The following USO1 variants were observed in gnomAD, a reference collection of about 807,000 sequenced individuals.
USO1 encodes the protein USO1 vesicle transport factor, also known as general vesicular transport factor p115.
In USO1, 57 loss-of-function variants were observed where a neutral mutation model predicts 124.5. The observed-to-expected ratio is 0.46, with a 90% CI of 0.37 to 0.57. The LOEUF is 0.57. Among genes scored for constraint, USO1 ranks in the 20% least tolerant of loss-of-function variants. The pLI is 0.00. For synonymous variants in USO1, 369 were observed against 362.8 expected, an observed-to-expected ratio of 1.02 and a Z score of -0.19; for missense variants, 900 against 1,040.6, an observed-to-expected ratio of 0.86 and a Z score of 1.86.
chr4:75,758,155 T>C (rs995188296), intron 4 of USO1, among the ~76,000 whole-genome samples: 4 of 152,338 alleles, frequency 2.6e-5, no homozygotes, highest in South Asian at 2.1e-4. Context: ...ATCTGTCTTA[T>C]TTATTGTCAC....
At chr4:75,748,797 TA>T (rs892755472) in intron 1 of USO1, among the ~76,000 whole-genome samples, 1 of 151,998 alleles carries the variant, frequency 6.6e-6, no homozygotes, top group Non-Finnish European at 1.5e-5. Flanking sequence ...TAAGCTACCT[TA>T]AAAAAATGAG....
intron 3 of USO1, among the ~76,000 whole-genome samples, 160 bp downstream of exon 3, chr4:75,752,764 G>T (rs926664577): frequency 6.6e-6 from 1 of 152,060 alleles, no homozygotes; most frequent in Non-Finnish European, 1.5e-5. Flanking sequence ...GGGCTCAGGC[G>T]ATCTGCCCAC....
At chr4:75,760,944 C>G (rs1335588363) in intron 4 of USO1, among the ~76,000 whole-genome samples, 1 of 152,124 alleles carries the variant, frequency 6.6e-6, no homozygotes, top group Non-Finnish European at 1.5e-5. Context: ...GTCGGGAGTT[C>G]AAGACCAGCC....
At chr4:75,776,925 T>G (rs1722087500) in intron 8 of USO1, among the ~76,000 whole-genome samples, 1 of 152,180 alleles carries the variant, frequency 6.6e-6, no homozygotes, top group Non-Finnish European at 1.5e-5. Flanking sequence ...TGTATATTTA[T>G]GTACTAATCT....
intron 13 of USO1, among the ~76,000 whole-genome samples, chr4:75,796,959 T>G (rs1288524331): frequency 2.0e-5 from 3 of 151,954 alleles, no homozygotes; most frequent in African/African-American, 7.2e-5. Context: ...GACTTATCTT[T>G]TATGGCTTCT....
intron 9 of USO1, among the ~76,000 whole-genome samples, chr4:75,783,337 G>A (rs577538395): frequency 5.9e-5 from 9 of 152,308 alleles, no homozygotes; most frequent in Non-Finnish European, 1.0e-4. Context: ...AAGATGATTA[G>A]TCTGAGTTTT....
At chr4:75,770,999 G>A (rs1721912146) in intron 6 of USO1, 75 bp downstream of exon 6, 7 of 1,597,290 alleles carry the variant, frequency 4.4e-6, no homozygotes, top group East Asian at 2.2e-5. Flanking sequence ...GACTGAAATG[G>A]TGTGTTAGTA....
chr4:75,779,228 C>T (rs1354609889), intron 8 of USO1, among the ~76,000 whole-genome samples: 1 of 152,110 alleles, frequency 6.6e-6, no homozygotes, highest in Non-Finnish European at 1.5e-5. Context: ...CTCGGGCCTC[C>T]CTATTCCCTG....
intron 13 of USO1, among the ~76,000 whole-genome samples, chr4:75,798,990 T>G (rs1722766654): frequency 6.6e-6 from 1 of 152,214 alleles, no homozygotes; most frequent in African/African-American, 2.4e-5. Context: ...TTAACTATAC[T>G]TGGCAGCTGT....
chr4:75,760,739 T>C (rs973119647), intron 4 of USO1: 2 of 388,582 alleles, frequency 5.1e-6, no homozygotes, highest in African/African-American at 4.1e-5. Context: ...ATAAGAATTC[T>C]TTAATTGAAG....
chr4:75,782,776 G>T lies in USO1; in HGVS notation c.773G>T (p.Arg258Leu). Residue 258 changes from arginine (R) to leucine (L), a missense_variant, in exon 9 of 24, where the codon CGT (arginine) becomes CTT (leucine). Arg to Leu is a moderately radical substitution (Grantham distance 102). Coordinates refer to ENST00000514213, the MANE Select transcript of USO1 (RefSeq NM_003715.4). ...TTTAAAGAAGGCTCATATATTCAAC[G>T]TATGAAACCTTGGTTTGAAGTTGGA... is the stretch of plus-strand genomic sequence containing the variant. The part of the protein sequence containing the change: ...NFFKEGSYIQ[R>L]MKPWFEVGDE... 2 of 1,599,466 alleles carry T rather than the reference G, an allele frequency of 1.3e-6. No homozygotes were observed. The highest frequency in any genetic ancestry group is 1.7e-6 in the Non-Finnish European group (2 of 1,175,176).
intron 4 of USO1, among the ~76,000 whole-genome samples, chr4:75,763,651 A>G (rs950727342): frequency 6.6e-6 from 1 of 152,092 alleles, no homozygotes; most frequent in Non-Finnish European, 1.5e-5. Context: ...ACAAAGGGCC[A>G]TTTCATTTTT....
chr4:75,761,844 A>T (rs1686034172), intron 4 of USO1, among the ~76,000 whole-genome samples: 1 of 152,200 alleles, frequency 6.6e-6, no homozygotes, highest in East Asian at 1.9e-4. Context: ...AAATACTAAC[A>T]AATAAACTAA....
At chr4:75,737,292 A>G (rs962112177) in intron 1 of USO1, among the ~76,000 whole-genome samples, 2 of 152,332 alleles carry the variant, frequency 1.3e-5, no homozygotes, top group South Asian at 2.1e-4. Context: ...TGTAAAACAC[A>G]TTAGGACAGA....
intron 8 of USO1, among the ~76,000 whole-genome samples, chr4:75,777,931 A>G (rs1722115631): frequency 6.6e-6 from 1 of 152,224 alleles, no homozygotes; most frequent in African/African-American, 2.4e-5. Flanking sequence ...GGAAGCAACC[A>G]AAATGTCCTT....
At chr4:75,771,209 T>G in intron 7 of USO1, 72 bp downstream of exon 7, 1 of 1,490,420 alleles carries the variant, frequency 6.7e-7, no homozygotes, top group Non-Finnish European at 9.0e-7. Context: ...ATCCTTGTTG[T>G]TGAGTTTTAG....
intron 19 of USO1, 45 bp downstream of exon 19, chr4:75,805,348 T>C: frequency 6.1e-6 from 9 of 1,480,330 alleles, no homozygotes; most frequent in Non-Finnish European, 8.0e-6. Context: ...TCAAGAGTGG[T>C]TCTCATTATC....
chr4:75,764,870 C>A (rs535689603), intron 4 of USO1, among the ~76,000 whole-genome samples: 1 of 152,180 alleles, frequency 6.6e-6, no homozygotes, highest in East Asian at 1.9e-4. Context: ...ATTGGCAATA[C>A]CTGGATCTGC....
intron 3 of USO1, 21 bp downstream of exon 3, chr4:75,752,625 T>C: frequency 2.5e-6 from 1 of 398,516 alleles, no homozygotes; most frequent in Non-Finnish European, 4.4e-6. Context: ...GTTTAATGAT[T>C]TTTTTCCCTA....
Sources: gnomAD v4.1 joint callset for allele counts (sites outside exome capture counted in the v4.1 genomes callset) on GRCh38, gnomAD v4.1.1 for gene constraint, MANE v1.5 for transcripts, NCBI Gene and HGNC (gene_info 2026-07-23, HGNC 2026-07-21) for gene names.